Variants in ANK1 observed in about 807,000 individuals in gnomAD.
ANK1 encodes the protein ankyrin 1, also known as ankyrin-1.
A neutral mutation model predicts 210.4 loss-of-function variants in ANK1; 51 were observed. The ratio of observed to expected loss-of-function variants is 0.24; its 90% confidence interval spans 0.19 to 0.31. ANK1 has a LOEUF of 0.31. Among genes scored for constraint, ANK1 ranks in the 10% least tolerant of loss-of-function variants. The probability of loss-of-function intolerance (pLI) is 1.00; values close to 1 mark genes in which losing one functional copy is unlikely to be tolerated. For synonymous variants in ANK1, 967 were observed against 1,025.9 expected, an observed-to-expected ratio of 0.94 and a Z score of 1.10; for missense variants, 2,051 against 2,504.4, an observed-to-expected ratio of 0.82 and a Z score of 3.86.
chr8:41,654,474 T>TG lies in ANK1; in HGVS notation c.*1315dup, dbSNP rs1303634885. 1 of 152,562 alleles carries TG rather than the reference T, an allele frequency of 6.6e-6. No homozygotes were observed. The highest frequency in any genetic ancestry group is 2.4e-5 in the African/African-American group (1 of 41,454). 9.5% of individuals were successfully genotyped at this position (152,562 alleles called of 1,614,324 possible). On this transcript the variant is annotated 3_prime_UTR_variant, in exon 43 of 43. Transcript: ENST00000289734. ...AGGGAACAGCCTCGAGCCTGGCACC[T>TG]GCACCCAGGGTCCCCAGCCTGCAGG...
At chr8:41,717,772 C>T in intron 11 of ANK1, 70 bp from the exon 12 acceptor site, 2 of 1,285,816 alleles carry the variant, frequency 1.6e-6, no homozygotes, top group Non-Finnish European at 2.2e-6. Context: ...GAGAACCTGA[C>T]AGTATCTAAC....
chr8:41,704,601 G>C lies in ANK1; in HGVS notation c.2098-129C>G, dbSNP rs1213044005. On this transcript the variant is annotated intron_variant, in intron 18 of 42. Coordinates refer to ENST00000289734, the MANE Select transcript of ANK1 (RefSeq NM_000037.4). This position sits in a 1 kb window ranked among gnomAD's most constrained non-coding sequence, Gnocchi z 4.1. ...CCTTGAAGGCTGACATTGACAAGCT[G>C]AATGGCTGCTGCTGGGCAGAGACCA... 1 of 809,378 alleles carries C rather than the reference G, an allele frequency of 1.2e-6. No individual in the cohort carries two copies. The highest frequency in any genetic ancestry group is 2.1e-6 in the Non-Finnish European group (1 of 475,778). 50.1% of individuals were successfully genotyped at this position (809,378 alleles called of 1,614,324 possible). A position where few individuals can be genotyped will look rare whatever the true frequency, so the allele number is the denominator to read the frequency against.
intron 37 of ANK1, among the ~76,000 whole-genome samples, chr8:41,675,102 G>GT (rs1236974447): frequency 6.6e-6 from 1 of 152,178 alleles, no homozygotes; most frequent in African/African-American, 2.4e-5. Flanking sequence ...GCATTTTGTT[G>GT]TTTTTTAAAG....
At chr8:41,682,927 T>A (rs1816529379) in intron 37 of ANK1, among the ~76,000 whole-genome samples, 2 of 152,138 alleles carry the variant, frequency 1.3e-5, no homozygotes, top group South Asian at 4.1e-4. Context: ...TGAGCTCCTG[T>A]AAAGCTCTGG....
intron 37 of ANK1, 38 bp downstream of exon 37, chr8:41,684,506 C>T: frequency 6.2e-7 from 1 of 1,611,868 alleles, no homozygotes; most frequent in South Asian, 1.1e-5. Flanking sequence ...TAGGGCAGGG[C>T]TCCGGCTCAG....
intron 17 of ANK1, among the ~76,000 whole-genome samples, chr8:41,707,786 TA>T (rs1825015516): frequency 6.6e-6 from 1 of 152,212 alleles, no homozygotes. Context: ...TTCAAATTTG[TA>T]AAAAATGTGC....
At position 41,668,398 on chromosome 8, in the gene ANK1, C is replaced by T; in HGVS notation, c.5263G>A (p.Val1755Met). Residue 1755 changes from valine (V) to methionine (M), a missense_variant, in exon 39 of 43, where the codon GTG becomes ATG. By Grantham distance (21) the Val-to-Met change is conservative. Around this residue, in one of 6 missense-constraint regions of ANK1, gnomAD observed 496 missense variants for 533.4 expected, o/e 0.93. Coordinates refer to ENST00000289734, the MANE Select transcript of ANK1 (RefSeq NM_000037.4). ...GGSQEYEKVL[V>M]SVSEHTWTEQ... ...GTCCACGTGTGCTCACTTACAGACA[C>T]CAGGACCTTCTCGTACTCCTGAGAT... The T allele has an allele frequency of 1.2e-6, 2 of 1,614,226 alleles. No individual in the cohort carries two copies. Among genetic ancestry groups the T allele is most frequent in the Non-Finnish European group, 1.7e-6 (2 of 1,180,040 alleles).
At chr8:41,660,534 G>A (rs746551613) in intron 42 of ANK1, 30 of 466,756 alleles carry the variant, frequency 6.4e-5, no homozygotes, top group Middle Eastern at 3.3e-4. Context: ...GATCAGAGCC[G>A]GCCGCTGAAG....
At chr8:41,836,598 G>A (rs1222103460) in intron 1 of ANK1, among the ~76,000 whole-genome samples, 1 of 152,212 alleles carries the variant, frequency 6.6e-6, no homozygotes, top group Non-Finnish European at 1.5e-5. Flanking sequence ...ACTCAGCCCG[G>A]GCTAAGGACC....
At chr8:41,752,805 C>CG (rs1048804340) in intron 2 of ANK1, among the ~76,000 whole-genome samples, 29 of 151,632 alleles carry the variant, frequency 1.9e-4, no homozygotes, top group East Asian at 1.0e-3. Flanking sequence ...CAGGCCCCCC[C>CG]CCACTGCACC....
At chr8:41,726,965 TG>T (rs979726016) in intron 5 of ANK1, among the ~76,000 whole-genome samples, 1 of 152,356 alleles carries the variant, frequency 6.6e-6, no homozygotes. Context: ...TACACATGCA[TG>T]CTTCGCCTGC....
intron 1 of ANK1, among the ~76,000 whole-genome samples, chr8:41,764,716 C>A (rs1398003936): frequency 6.6e-6 from 1 of 152,188 alleles, no homozygotes; most frequent in South Asian, 2.1e-4. Flanking sequence ...TACCTGTGTG[C>A]GTGTTCGGGG....
chr8:41,743,870 C>T (rs1375376766), intron 2 of ANK1, among the ~76,000 whole-genome samples: 2 of 152,154 alleles, frequency 1.3e-5, no homozygotes, highest in Non-Finnish European at 2.9e-5. Context: ...TATGCATACA[C>T]GCATGCACAC....
At chr8:41,734,812 A>C (rs1586572160) in intron 2 of ANK1, among the ~76,000 whole-genome samples, 1 of 152,142 alleles carries the variant, frequency 6.6e-6, no homozygotes, top group South Asian at 2.1e-4. Context: ...CTGAGGTGGG[A>C]GAATCACCTG....
chr8:41,773,838 C>T (rs1563734167), intron 1 of ANK1, among the ~76,000 whole-genome samples: 1 of 152,068 alleles, frequency 6.6e-6, no homozygotes, highest in South Asian at 2.1e-4. Context: ...AACCCAGTCC[C>T]GGTGCTGGAG....
intron 1 of ANK1, among the ~76,000 whole-genome samples, chr8:41,888,433 A>G (rs541514954): frequency 6.6e-6 from 1 of 152,382 alleles, no homozygotes; most frequent in Admixed American, 6.5e-5. Context: ...ATGGGGATGC[A>G]AGAGCCAGGA....
chr8:41,700,500 G>A (rs1822468450), intron 22 of ANK1: 1 of 1,593,592 alleles, frequency 6.3e-7, no homozygotes, highest in Non-Finnish European at 8.6e-7. Context: ...CCACATTGAA[G>A]GCAGTTAAAG....
rs1820189892 is a variant in ANK1 at position 41,694,270 on chromosome 8, C to T, written c.3328-168G>A. On this transcript the variant is annotated intron_variant, in intron 28 of 42. Transcript: ENST00000289734. The surrounding 1 kb of genome is among the most constrained non-coding windows in gnomAD (Gnocchi z 5.7). ...GCTTGCCTTCCTGAGCCCTTTCTCC[C>T]CTTCTCCTCTGCTTCTTACTCCCAG... Among the ~76,000 whole-genome samples, 1 of 152,180 alleles carries T rather than the reference C, an allele frequency of 6.6e-6. No individual in the cohort carries two copies. Among genetic ancestry groups the T allele is most frequent in the Non-Finnish European group, 1.5e-5 (1 of 68,024 alleles).
chr8:41,877,950 G>A (rs1816884474), intron 1 of ANK1, among the ~76,000 whole-genome samples: 1 of 152,182 alleles, frequency 6.6e-6, no homozygotes, highest in Non-Finnish European at 1.5e-5. Flanking sequence ...GGGACAGGAG[G>A]TTGGGACCTG....
Sources: gnomAD v4.1 joint callset for allele counts (sites outside exome capture counted in the v4.1 genomes callset) on GRCh38, gnomAD v4.1.1 for gene constraint, gnomAD v4.1.1 regional missense constraint, Gnocchi (gnomAD v3.1) non-coding constraint, MANE v1.5 for transcripts, NCBI Gene and HGNC (gene_info 2026-07-23, HGNC 2026-07-21) for gene names.